Variants in VWF observed in about 807,000 individuals in gnomAD.
The protein encoded by VWF is Factor VIII related antigen.
Under a neutral mutation model 308.6 loss-of-function variants are expected in VWF, and 176 were observed. The ratio of observed to expected loss-of-function variants is 0.57; its 90% CI spans 0.50 to 0.65. VWF has a LOEUF of 0.65. VWF is among the 30% of genes least tolerant of loss of function. The pLI is 0.00. For synonymous variants in VWF, 1,385 were observed against 1,443.4 expected (o/e 0.96, Z 0.92); for missense variants, 3,146 against 3,648.2 (o/e 0.86, Z 3.55).
At chr12:5,950,355 G>C (rs928361121) in intron 50 of VWF, among the ~76,000 whole-genome samples, 20 of 152,058 alleles carry the variant, frequency 1.3e-4, no homozygotes, top group African/African-American at 4.3e-4. Flanking sequence ...TGCCTCTCTG[G>C]GGACCGAGAA....
chr12:5,983,480 C>G (rs80202772), intron 40 of VWF, among the ~76,000 whole-genome samples: 1,608 of 132,212 alleles, frequency 0.012, 28 homozygotes, highest in African/African-American at 0.039. Context: ...TAGATAGATA[C>G]ATACATACAT....
chr12:6,102,335 C>T (rs1945172967), intron 5 of VWF, among the ~76,000 whole-genome samples: 2 of 152,062 alleles, frequency 1.3e-5, no homozygotes, highest in African/African-American at 4.8e-5. Context: ...CCAGCTACTC[C>T]AGAGGCTGAG....
intron 18 of VWF, among the ~76,000 whole-genome samples, 169 bp downstream of exon 18, chr12:6,044,122 G>A (rs528496477): frequency 3.9e-5 from 6 of 152,096 alleles, no homozygotes; most frequent in Non-Finnish European, 7.4e-5. Context: ...TTGGCAGGGA[G>A]GAGACAGAAG....
chr12:6,054,063 C>G (rs78140047), intron 15 of VWF, among the ~76,000 whole-genome samples: 2 of 152,176 alleles, frequency 1.3e-5, no homozygotes, highest in African/African-American at 4.8e-5. Flanking sequence ...CTGAGACCAT[C>G]ACAATCCTTC....
At chr12:5,983,729 G>T (rs1409939806) in intron 40 of VWF, among the ~76,000 whole-genome samples, 1 of 150,902 alleles carries the variant, frequency 6.6e-6, no homozygotes, top group Non-Finnish European at 1.5e-5. Context: ...AGATACACAG[G>T]TTAGATAGAT....
In VWF at chr12:5,994,140, C is replaced by A. The variant is rs377640206; in HGVS notation, c.6320G>T (p.Trp2107Leu). The A allele has an allele frequency of 5.6e-6, 9 of 1,614,046 alleles. No individual in the cohort carries two copies. The African/African-American group carries it at 1.2e-4, about 22-fold the overall frequency. The change falls in exon 37 of 52, where the codon TGG becomes TTG. Residue 2107 changes from tryptophan (W) to leucine (L), a missense_variant. Physicochemically the swap from Trp to Leu is moderately conservative, Grantham distance 61 (BLOSUM62 -2). Around this residue, in one of 3 missense-constraint regions of VWF, gnomAD observed 989 missense variants for 1,117.4 expected, o/e 0.89. Coordinates refer to ENST00000261405, the MANE Select transcript of VWF (RefSeq NM_000552.5). Reference sequence around the variant, plus strand: ...AGTCCATTCCTGAACAAGTGTTTTCCAGTCTGTGGTGACTGTGCCATCCCT... The same window carrying A: ...AGTCCATTCCTGAACAAGTGTTTTCAAGTCTGTGGTGACTGTGCCATCCCT... ...MLRDGTVTTD[W>L]KTLVQEWTVQ...
chr12:6,034,437 T>C (rs770233031), intron 20 of VWF, among the ~76,000 whole-genome samples: 6 of 152,168 alleles, frequency 3.9e-5, no homozygotes, highest in South Asian at 2.1e-4. Flanking sequence ...CCCACACCAA[T>C]CCTCAACAAC....
intron 6 of VWF, among the ~76,000 whole-genome samples, chr12:6,081,973 G>GT (rs879732595): frequency 0.024 from 3,517 of 146,512 alleles, 115 homozygotes; most frequent in African/African-American, 0.075. Context: ...AAAATATGGT[G>GT]TTTTTTTTTT....
chr12:6,029,320 A>T, intron 22 of VWF, 22 bp downstream of exon 22: 1 of 1,613,890 alleles, frequency 6.2e-7, no homozygotes, highest in Non-Finnish European at 8.5e-7. Flanking sequence ...CCCCAACAAG[A>T]TGAAGCAAGA....
intron 3 of VWF, among the ~76,000 whole-genome samples, chr12:6,111,758 G>A (rs1198844438): frequency 1.3e-5 from 2 of 150,124 alleles, no homozygotes; most frequent in Non-Finnish European, 2.9e-5. Context: ...AGACCATCCT[G>A]GCTAACACGG....
chr12:6,031,434 C>T lies in VWF; in HGVS notation c.2820+10G>A. ...GCGGGACATGAGGGTGGAGATGAGG[C>T]TGCACTTACCTCCCCGTCAAACAGC... is the stretch of plus-strand genomic sequence containing the variant. On this transcript the variant is annotated intron_variant, in intron 21 of 51. Coordinates refer to ENST00000261405, the MANE Select transcript of VWF (RefSeq NM_000552.5). 2 of 1,614,172 alleles carry T rather than the reference C, an allele frequency of 1.2e-6. No individual in the cohort carries two copies. The highest frequency in any genetic ancestry group is 1.7e-6 in the Non-Finnish European group (2 of 1,180,046).
chr12:6,046,935 C>G lies in VWF; in HGVS notation c.2187-118G>C, dbSNP rs567592310. 11 of 852,586 alleles carry G rather than the reference C, an allele frequency of 1.3e-5. 1 individual carries two copies. The Admixed American group carries it at 2.2e-4, about 17-fold the overall frequency. The allele number at this position is 852,586 out of a possible 1,614,324, so 52.8% of individuals were successfully genotyped here. A position where few individuals can be genotyped will look rare whatever the true frequency, so the allele number is the denominator to read the frequency against. The stretch of plus-strand genomic sequence containing the variant: ...CAACCAGGTCCCAGTCCCATAACCC[C>G]TCCTGAAGCACAGCTTGCTAACGTT... On this transcript the variant is annotated intron_variant, in intron 16 of 51. Transcript: ENST00000261405. This position sits in a 1 kb window ranked among gnomAD's most constrained non-coding sequence, Gnocchi z 5.0.
intron 15 of VWF, among the ~76,000 whole-genome samples, chr12:6,056,367 A>C (rs1408984661): frequency 6.7e-6 from 1 of 149,494 alleles, no homozygotes; most frequent in Non-Finnish European, 1.5e-5. Context: ...CAGTGATGTA[A>C]TTCACCTTTA....
Position 5,949,215 on chromosome 12 carries a change from C to A in VWF, c.8254-12G>T. ...CTGGCACATTTGCCCTGCAAGAAAG[C>A]AGAGGAAGATGGGAGCTTCACAATG... is the stretch of plus-strand genomic sequence containing the variant. On this transcript the variant is annotated splice_polypyrimidine_tract_variant and intron_variant, in intron 51 of 51. Coordinates refer to ENST00000261405, the MANE Select transcript of VWF (RefSeq NM_000552.5). 1 of 1,612,996 alleles carries A rather than the reference C, an allele frequency of 6.2e-7. No individual in the cohort carries two copies. The highest frequency in any genetic ancestry group is 1.1e-5 in the South Asian group (1 of 91,068).
chr12:5,984,422 G>C (rs1221653396), intron 40 of VWF, among the ~76,000 whole-genome samples: 1 of 152,202 alleles, frequency 6.6e-6, no homozygotes, highest in Non-Finnish European at 1.5e-5. Flanking sequence ...TTAGTTCCTT[G>C]GACTGTCCCC....
intron 21 of VWF, among the ~76,000 whole-genome samples, chr12:6,030,906 G>A (rs1944254374): frequency 1.3e-5 from 2 of 152,134 alleles, no homozygotes; most frequent in African/African-American, 4.8e-5. Context: ...GTGTACACCT[G>A]TAGTCCCAGC....
At chr12:6,000,593 G>A (rs1237845850) in intron 34 of VWF, among the ~76,000 whole-genome samples, 1 of 151,916 alleles carries the variant, frequency 6.6e-6, no homozygotes, top group Non-Finnish European at 1.5e-5. Flanking sequence ...GGATCACGAG[G>A]TCAGGTGATG....
intron 50 of VWF, among the ~76,000 whole-genome samples, chr12:5,950,891 A>C (rs998995132): frequency 7.9e-5 from 12 of 152,138 alleles, no homozygotes; most frequent in African/African-American, 2.9e-4. Context: ...CACATTCTTA[A>C]ACCATTCAAA....
chr12:6,017,048 G>A (rs746742084), intron 28 of VWF, among the ~76,000 whole-genome samples, 178 bp from the exon 29 acceptor site: 1 of 152,208 alleles, frequency 6.6e-6, no homozygotes, highest in Non-Finnish European at 1.5e-5. Context: ...GAGGGGATGG[G>A]GAGATGGAGT....
Sources: allele counts gnomAD v4.1 joint callset (sites outside exome capture counted in the v4.1 genomes callset), GRCh38; gene constraint gnomAD v4.1.1; regional missense constraint gnomAD v4.1.1; non-coding constraint Gnocchi (gnomAD v3.1); transcripts MANE v1.5; gene names NCBI Gene and HGNC (gene_info 2026-07-23, HGNC 2026-07-21).